The following FAM120A variants were observed in gnomAD, a reference collection of about 807,000 sequenced individuals.
FAM120A encodes family with sequence similarity 120 member A.
In FAM120A, 15 loss-of-function variants were observed where a neutral mutation model predicts 109.7. That is an observed-to-expected ratio of 0.14 (90% CI 0.09 to 0.21). FAM120A has a LOEUF of 0.21. Ranked by LOEUF, FAM120A falls within the 10% of genes least tolerant of loss-of-function variation. The pLI is 1.00. For synonymous variants in FAM120A, 493 were observed against 572.8 expected, an observed-to-expected ratio of 0.86 and a Z score of 1.99; for missense variants, 899 against 1,439.3, an observed-to-expected ratio of 0.62 and a Z score of 6.07.
At chr9:93,463,985 C>T (rs981012826) in intron 1 of FAM120A, among the ~76,000 whole-genome samples, 7 of 152,256 alleles carry the variant, frequency 4.6e-5, no homozygotes, top group African/African-American at 1.7e-4. Context: ...ATCGCAGCTA[C>T]CCTATGAGAT....
At chr9:93,550,435 A>G (rs897214107) in intron 11 of FAM120A, 142 bp from the exon 12 acceptor site, 12 of 618,514 alleles carry the variant, frequency 1.9e-5, no homozygotes, top group Non-Finnish European at 2.6e-5. Flanking sequence ...GAAAGTAGAA[A>G]AGTAGAAAAG....
chr9:93,453,774 C>T (rs938708069), intron 1 of FAM120A, among the ~76,000 whole-genome samples: 1 of 152,176 alleles, frequency 6.6e-6, no homozygotes, highest in Non-Finnish European at 1.5e-5. Flanking sequence ...CTGGGGCGCT[C>T]AGGGAAGTAA....
Position 93,498,802 on chromosome 9 carries a change from G to T in FAM120A, c.946G>T (p.Asp316Tyr), listed in dbSNP as rs1385384217. 6.2e-7 allele frequency: 1 copy of T among 1,609,530 alleles called. No individual in the cohort carries two copies. The highest frequency in any genetic ancestry group is 8.5e-7 in the Non-Finnish European group (1 of 1,175,906). ...VFQHSQSRTD[D>Y]KVIRFKRAIG... ...GCCTTTATTTCAGTCTAGAACAGAT[G>T]ACAAAGTTATTCGATTTAAGAGAGC... The change falls in exon 5 of 18, where the codon GAC becomes TAC. Residue 316 changes from aspartate to tyrosine, a missense_variant. By Grantham distance (160) the Asp-to-Tyr change is radical. Transcript: ENST00000277165. The surrounding 1 kb of genome is among the most constrained non-coding windows in gnomAD (Gnocchi z 4.4).
chr9:93,482,794 C>T (rs1046092431), intron 3 of FAM120A, among the ~76,000 whole-genome samples: 7 of 152,088 alleles, frequency 4.6e-5, no homozygotes, highest in African/African-American at 1.7e-4. Flanking sequence ...CTGAACAGTC[C>T]TCTCTCTTGG....
chr9:93,562,061 C>G (rs1056466727), intron 16 of FAM120A, 147 bp from the exon 17 acceptor site: 61 of 657,506 alleles, frequency 9.3e-5, no homozygotes, highest in African/African-American at 8.4e-4. Context: ...TGCAAAAATT[C>G]AACAAATTGC....
intron 5 of FAM120A, among the ~76,000 whole-genome samples, chr9:93,510,210 G>C (rs1176877692): frequency 1.3e-5 from 2 of 152,140 alleles, no homozygotes; most frequent in African/African-American, 4.8e-5. Context: ...GCGACCTTTC[G>C]CTCCATTTTC....
Position 93,452,075 on chromosome 9 carries a change from C to T in FAM120A, c.160C>T (p.Leu54=), listed in dbSNP as rs1489386402. 11 of 1,603,654 alleles carry T rather than the reference C, an allele frequency of 6.9e-6. No individual in the cohort carries two copies. Among genetic ancestry groups the T allele is most frequent in the Non-Finnish European group, 7.7e-6 (9 of 1,176,102 alleles). The part of the protein sequence containing the change: ...LRLLVDADNC[L]HRLYGGFYTD... ...CCTGCTGGTGGACGCCGACAACTGCCTGCACCGCCTCTACGGCGGCTTCTA... is the reference window on the plus strand; with the variant it reads ...CCTGCTGGTGGACGCCGACAACTGCTTGCACCGCCTCTACGGCGGCTTCTA... The change falls in exon 1 of 18, where the codon CTG becomes TTG. Residue 54 remains leucine (L), a synonymous_variant. Transcript: ENST00000277165. This position sits in a 1 kb window ranked among gnomAD's most constrained non-coding sequence, Gnocchi z 7.0.
intron 11 of FAM120A, among the ~76,000 whole-genome samples, chr9:93,544,389 G>C (rs1861810017): frequency 6.6e-6 from 1 of 152,208 alleles, no homozygotes; most frequent in African/African-American, 2.4e-5. Flanking sequence ...GTGTGGTCCT[G>C]CTGCTGGGAT....
At chr9:93,547,696 T>C (rs1300819348) in intron 11 of FAM120A, among the ~76,000 whole-genome samples, 1 of 152,180 alleles carries the variant, frequency 6.6e-6, no homozygotes, top group Non-Finnish European at 1.5e-5. Context: ...AGAAAAAATT[T>C]CCAGAAATAC....
intron 3 of FAM120A, among the ~76,000 whole-genome samples, chr9:93,482,018 C>T (rs922038224): frequency 3.3e-5 from 5 of 152,092 alleles, no homozygotes; most frequent in Admixed American, 1.3e-4. Context: ...AATTCCTAGC[C>T]CTGGCATTTC....
At chr9:93,511,348 C>T (rs2131390977) in intron 5 of FAM120A, among the ~76,000 whole-genome samples, 1 of 152,372 alleles carries the variant, frequency 6.6e-6, no homozygotes, top group East Asian at 1.9e-4. Flanking sequence ...GCATCAGCTG[C>T]TCCCAGGCTC....
At chr9:93,519,139 TG>T (rs1469649657) in intron 7 of FAM120A, among the ~76,000 whole-genome samples, 2 of 152,184 alleles carry the variant, frequency 1.3e-5, no homozygotes, top group East Asian at 3.9e-4. Flanking sequence ...CTCGGGACAG[TG>T]GGTCTCCGGA....
rs148040959 is a variant in FAM120A at position 93,474,835 on chromosome 9, C to T, written c.722-1421C>T. Among the ~76,000 whole-genome samples the T allele has an allele frequency of 6.7e-3, 1,022 of 152,304 alleles. 6 individuals carry two copies. The highest frequency in any genetic ancestry group is 0.017 in the Middle Eastern group (5 of 294). ...GTCTCGATCTCCTGACCTCATGATC[C>T]GCCCACCTTGGCTTCCCAAAGTGCT... is the stretch of plus-strand genomic sequence containing the variant. On this transcript the variant is annotated intron_variant, in intron 2 of 17. Coordinates refer to ENST00000277165, the MANE Select transcript of FAM120A (RefSeq NM_014612.5).
intron 11 of FAM120A, among the ~76,000 whole-genome samples, chr9:93,546,748 C>T (rs1564356158): frequency 6.6e-6 from 1 of 152,228 alleles, no homozygotes; most frequent in Non-Finnish European, 1.5e-5. Context: ...TGGGCACGGC[C>T]ATGCTCCAAT....
chr9:93,539,203 C>T (rs958466657), intron 10 of FAM120A, among the ~76,000 whole-genome samples: 3 of 151,990 alleles, frequency 2.0e-5, no homozygotes, highest in Non-Finnish European at 2.9e-5. Context: ...TTCACCGTGT[C>T]AGCCAGGATG....
At chr9:93,505,337 G>A (rs973769436) in intron 5 of FAM120A, among the ~76,000 whole-genome samples, 2 of 152,132 alleles carry the variant, frequency 1.3e-5, no homozygotes, top group African/African-American at 4.8e-5. Context: ...TGGGATTACA[G>A]GCGTGAGCCA....
intron 8 of FAM120A, among the ~76,000 whole-genome samples, chr9:93,527,812 G>A (rs984633663): frequency 2.6e-5 from 4 of 151,446 alleles, no homozygotes; most frequent in African/African-American, 7.3e-5. Flanking sequence ...TAGTAGAGAC[G>A]GGGTGTCGCC....
At chr9:93,490,137 C>T (rs181391819) in intron 3 of FAM120A, among the ~76,000 whole-genome samples, 4 of 152,342 alleles carry the variant, frequency 2.6e-5, no homozygotes, top group Non-Finnish European at 5.9e-5. Context: ...CCAAATCGAG[C>T]TTCCATTTCC....
intron 3 of FAM120A, among the ~76,000 whole-genome samples, chr9:93,489,106 A>G (rs1859200884): frequency 6.6e-6 from 1 of 152,200 alleles, no homozygotes; most frequent in African/African-American, 2.4e-5. Flanking sequence ...ACCGTCTACC[A>G]TCTTTTCATT....
Sources: gnomAD v4.1 joint callset for allele counts (sites outside exome capture counted in the v4.1 genomes callset) on GRCh38, gnomAD v4.1.1 for gene constraint, Gnocchi (gnomAD v3.1) non-coding constraint, MANE v1.5 for transcripts, NCBI Gene and HGNC (gene_info 2026-07-23, HGNC 2026-07-21) for gene names.